TMX1: variants seen among roughly 807,000 people sequenced by gnomAD.
The protein encoded by TMX1 is thioredoxin-related transmembrane protein 1.
A neutral mutation model predicts 36.6 loss-of-function variants in TMX1; 25 were observed. That is an observed-to-expected ratio of 0.68 (90% CI 0.50 to 0.95). The LOEUF (loss-of-function observed/expected upper bound fraction) is 0.95. TMX1 is among the 40% of genes least tolerant of loss of function. The pLI is 0.00. For missense variants in TMX1, 347 were observed against 339.6 expected, an observed-to-expected ratio of 1.02 and a Z score of -0.17; for synonymous variants, 133 against 118.0, an observed-to-expected ratio of 1.13 and a Z score of -0.82.
At chr14:51,245,691 A>G (rs2065782560) in intron 3 of TMX1, 2 of 371,910 alleles carry the variant, frequency 5.4e-6, no homozygotes, top group East Asian at 1.3e-4. Flanking sequence ...AATCACAGTT[A>G]CCTGGATTGG....
intron 2 of TMX1, chr14:51,244,284 C>A (rs1034080190): frequency 5.7e-6 from 1 of 176,582 alleles, no homozygotes; most frequent in Admixed American, 6.2e-5. Context: ...GCATCCCAGG[C>A]CCCAGACTAG....
At chr14:51,254,133 T>C (rs1331696541) in intron 7 of TMX1, 7 of 387,372 alleles carry the variant, frequency 1.8e-5, no homozygotes, top group Non-Finnish European at 3.2e-5. Context: ...AGAATGACTT[T>C]GATAACTAAA....
intron 1 of TMX1, among the ~76,000 whole-genome samples, chr14:51,243,010 A>G (rs905507206): frequency 4.6e-5 from 7 of 151,898 alleles, no homozygotes; most frequent in Non-Finnish European, 7.4e-5. Flanking sequence ...TTTGGTTTTC[A>G]TAAAACAAGT....
chr14:51,245,268 A>G, intron 2 of TMX1, 45 bp from the exon 3 acceptor site: 1 of 1,611,082 alleles, frequency 6.2e-7, no homozygotes, highest in Non-Finnish European at 8.5e-7. Flanking sequence ...TTAAGTAGTC[A>G]GTGATTGGCC....
intron 1 of TMX1, among the ~76,000 whole-genome samples, chr14:51,241,172 C>A (rs1047922872): frequency 2.0e-5 from 3 of 152,100 alleles, no homozygotes; most frequent in Non-Finnish European, 4.4e-5. Context: ...TATACACTCT[C>A]AAGAGCGCCA....
In TMX1 at chr14:51,243,964, G is replaced by C. The variant is rs1247371011; in HGVS notation, c.261G>C (p.Glu87Asp). 6.2e-7 allele frequency: 1 copy of C among 1,606,506 alleles called. No homozygotes were observed. Among genetic ancestry groups the C allele is most frequent in the Non-Finnish European group, 8.5e-7 (1 of 1,176,288 alleles). Reference protein sequence around the residue: ...EVNIAKVDVTEQPGLSGRFII... With the variant: ...EVNIAKVDVTDQPGLSGRFII... ...ATATTGCGAAAGTAGATGTCACAGAGCAGCCAGGTACTGTAAGTCTTTGGT... is the reference window on the plus strand; with the variant it reads ...ATATTGCGAAAGTAGATGTCACAGACCAGCCAGGTACTGTAAGTCTTTGGT... Residue 87 changes from glutamate to aspartate, a missense_variant, in exon 2 of 8, where the codon GAG becomes GAC. Physicochemically the swap from Glu to Asp is conservative, Grantham distance 45. Coordinates refer to ENST00000457354, the MANE Select transcript of TMX1 (RefSeq NM_030755.5).
chr14:51,253,365 C>T (rs1299308664), intron 7 of TMX1, among the ~76,000 whole-genome samples: 4 of 152,202 alleles, frequency 2.6e-5, no homozygotes, highest in Non-Finnish European at 4.4e-5. Context: ...TCACCAGGAC[C>T]GCCTGGGGTG....
intron 7 of TMX1, among the ~76,000 whole-genome samples, chr14:51,251,461 TTA>T (rs1336385361): frequency 1.3e-5 from 2 of 152,210 alleles, no homozygotes; most frequent in Non-Finnish European, 2.9e-5. Flanking sequence ...TTTTGTTTTT[TTA>T]TATTCTGTCT....
In TMX1 at chr14:51,255,587, T is replaced by C. The variant is rs571805114; in HGVS notation, c.*1068T>C. ...GTCCTCATATACAGAAAGTTCTTAATTGATTTTACAGTCTGTAATGCTTGA... is the reference window on the plus strand; with the variant it reads ...GTCCTCATATACAGAAAGTTCTTAACTGATTTTACAGTCTGTAATGCTTGA... On this transcript the variant is annotated 3_prime_UTR_variant, in exon 8 of 8. Coordinates refer to ENST00000457354, the MANE Select transcript of TMX1 (RefSeq NM_030755.5). 13 of 152,214 alleles carry C rather than the reference T, an allele frequency of 8.5e-5. No individual in the cohort carries two copies. The South Asian group carries it at 2.7e-3, about 32-fold the overall frequency. The allele number at this position is 152,214 out of a possible 1,614,324, so 9.4% of individuals were successfully genotyped here. A position where few individuals can be genotyped will look rare whatever the true frequency, so the allele number is the denominator to read the frequency against.
chr14:51,241,593 T>A (rs1274373764), intron 1 of TMX1, among the ~76,000 whole-genome samples: 1 of 152,182 alleles, frequency 6.6e-6, no homozygotes, highest in African/African-American at 2.4e-5. Flanking sequence ...CAGCTGGAAG[T>A]GGCGTACGCT....
intron 1 of TMX1, among the ~76,000 whole-genome samples, chr14:51,242,293 T>C (rs1380803263): frequency 1.3e-5 from 2 of 152,210 alleles, no homozygotes; most frequent in Non-Finnish European, 2.9e-5. Context: ...TAACTTGTTT[T>C]AGATCGTGCC....
At chr14:51,252,854 A>C (rs1258715052) in intron 7 of TMX1, among the ~76,000 whole-genome samples, 2 of 152,190 alleles carry the variant, frequency 1.3e-5, no homozygotes, top group Non-Finnish European at 2.9e-5. Context: ...GATGTTGTTA[A>C]GATGCTGTTT....
In TMX1 at chr14:51,255,156, CAA is replaced by C. The variant is rs1299101590; in HGVS notation, c.*639_*640del. ...GTTCATGGTATTCTCTTGATTCCAA[CAA>C]AGTTTGATTTTCTCTTGTATTTTTC... On this transcript the variant is annotated 3_prime_UTR_variant, in exon 8 of 8. Coordinates refer to ENST00000457354, the MANE Select transcript of TMX1 (RefSeq NM_030755.5). 6.6e-6 allele frequency: 1 copy of C among 152,036 alleles called. No homozygotes were observed. Among genetic ancestry groups the C allele is most frequent in the Non-Finnish European group, 1.5e-5 (1 of 67,914 alleles). The allele number at this position is 152,036 out of a possible 1,614,324, so 9.4% of individuals were successfully genotyped here. A position where few individuals can be genotyped will look rare whatever the true frequency, so the allele number is the denominator to read the frequency against.
At chr14:51,246,883 G>A (rs2065788046) in intron 3 of TMX1, among the ~76,000 whole-genome samples, 1 of 152,004 alleles carries the variant, frequency 6.6e-6, no homozygotes, top group Non-Finnish European at 1.5e-5. Flanking sequence ...TACATTTTAA[G>A]GCTTATGATT....
At chr14:51,241,775 A>G (rs747113735) in intron 1 of TMX1, among the ~76,000 whole-genome samples, 1 of 152,212 alleles carries the variant, frequency 6.6e-6, no homozygotes, top group Admixed American at 6.5e-5. Context: ...AGGCCAGTGA[A>G]AGTGACATCC....
Position 51,249,732 on chromosome 14 carries a change from A to G in TMX1, c.631A>G (p.Arg211Gly), listed in dbSNP as rs1364695352. The change falls in exon 7 of 8, where the codon AGG becomes GGG. Residue 211 changes from arginine (R) to glycine (G), a missense_variant. Physicochemically the swap from Arg to Gly is moderately radical, Grantham distance 125. Transcript: ENST00000457354. ...FVADCLCPSK[R>G]RRPQPYPYPS... ...GGCAGATTGCCTTTGTCCTTCAAAA[A>G]GGCGCAGACCACAGCCGTACCCATA... 1 of 1,613,458 alleles carries G rather than the reference A, an allele frequency of 6.2e-7. No homozygotes were observed. The highest frequency in any genetic ancestry group is 8.5e-7 in the Non-Finnish European group (1 of 1,179,626).
rs1470527413 is a variant in TMX1, at chr14:51,240,508, C to T, written c.152+64C>T. On this transcript the variant is annotated intron_variant, in intron 1 of 7. Transcript: ENST00000457354. The stretch of plus-strand genomic sequence containing the variant: ...GACACACGACTTCACCCCGCACGTT[C>T]CTCGTGCGGGTCGCAGGCTCCCCAG... 6 of 1,563,262 alleles carry T rather than the reference C, an allele frequency of 3.8e-6. No individual in the cohort carries two copies. The African/African-American group carries it at 8.1e-5, about 21-fold the overall frequency.
At chr14:51,247,247 C>G (rs970307984) in intron 4 of TMX1, 27 bp downstream of exon 4, 1 of 1,589,856 alleles carries the variant, frequency 6.3e-7, no homozygotes, top group Non-Finnish European at 8.5e-7. Context: ...TTTCTCTTAC[C>G]CATTTCATAA....
rs866722940 is a variant in TMX1 at position 51,243,110 on chromosome 14, A to T, written c.153-746A>T. ...GGTTCTGTTAAAAAAAAAAAAAAAAAAAGAACAACCCTGTGGTGTATTATA... is the reference window on the plus strand; with the variant it reads ...GGTTCTGTTAAAAAAAAAAAAAAAATAAGAACAACCCTGTGGTGTATTATA... On this transcript the variant is annotated intron_variant, in intron 1 of 7. Coordinates refer to ENST00000457354, the MANE Select transcript of TMX1 (RefSeq NM_030755.5). Among the ~76,000 whole-genome samples, 726 of 151,848 alleles carry T rather than the reference A, an allele frequency of 4.8e-3. 2 individuals carry two copies. Among genetic ancestry groups the T allele is most frequent in the Non-Finnish European group, 8.0e-3 (543 of 67,912 alleles).
Sources: allele counts gnomAD v4.1 joint callset (sites outside exome capture counted in the v4.1 genomes callset), GRCh38; gene constraint gnomAD v4.1.1; transcripts MANE v1.5; gene names NCBI Gene and HGNC (gene_info 2026-07-23, HGNC 2026-07-21).